GRB10: variants seen among roughly 807,000 people sequenced by gnomAD.
GRB10 encodes the protein growth factor receptor-bound protein 10.
In GRB10, 20 loss-of-function variants were observed where a neutral mutation model predicts 80.9. That is an observed-to-expected ratio of 0.25 (90% confidence interval 0.17 to 0.36). The LOEUF is 0.36. Among genes scored for constraint, GRB10 ranks in the 10% least tolerant of loss-of-function variants. The pLI is 1.00. For missense variants in GRB10, 548 were observed against 747.7 expected (o/e 0.73, Z 3.12); for synonymous variants, 291 against 291.5 (o/e 1.00, Z 0.02).
intron 4 of GRB10, among the ~76,000 whole-genome samples, chr7:50,712,997 T>A (rs1359189942): frequency 6.6e-6 from 1 of 152,236 alleles, no homozygotes; most frequent in Non-Finnish European, 1.5e-5. Flanking sequence ...ACAAATGGTT[T>A]TCCCAAAATA....
intron 15 of GRB10, among the ~76,000 whole-genome samples, chr7:50,604,731 C>T (rs138900337): frequency 6.0e-4 from 91 of 152,340 alleles, no homozygotes; most frequent in Non-Finnish European, 9.7e-4. Context: ...CTGGACTCCC[C>T]GTGCTTGGGA....
chr7:50,723,580 C>G (rs2068095726), intron 4 of GRB10, among the ~76,000 whole-genome samples: 3 of 152,164 alleles, frequency 2.0e-5, no homozygotes. Flanking sequence ...GCGATCCAGC[C>G]CCTTGGATCC....
At chr7:50,699,633 T>C (rs377237662) in intron 5 of GRB10, among the ~76,000 whole-genome samples, 2 of 152,356 alleles carry the variant, frequency 1.3e-5, no homozygotes, top group East Asian at 3.9e-4. Flanking sequence ...TCATTTACAT[T>C]TCACTTAAAA....
intron 7 of GRB10, among the ~76,000 whole-genome samples, chr7:50,647,813 G>A (rs977468107): frequency 6.6e-6 from 1 of 152,176 alleles, no homozygotes; most frequent in Non-Finnish European, 1.5e-5. Context: ...GGCAGGCGCT[G>A]TCCAATTCTG....
intron 5 of GRB10, among the ~76,000 whole-genome samples, chr7:50,698,581 T>C (rs955939811): frequency 7.2e-5 from 11 of 152,254 alleles, no homozygotes; most frequent in African/African-American, 2.7e-4. Flanking sequence ...TCTGCCGTGA[T>C]TTCACTGTGC....
chr7:50,723,160 CTTTT>C (rs1488756496), intron 4 of GRB10, among the ~76,000 whole-genome samples: 2 of 151,874 alleles, frequency 1.3e-5, no homozygotes, highest in Non-Finnish European at 2.9e-5. Flanking sequence ...TACCAAGTAG[CTTTT>C]TTTTCTTTAA....
Position 50,669,748 on chromosome 7 carries a change from G to A in GRB10, c.478C>T (p.Pro160Ser), listed in dbSNP as rs1186185689. 1.3e-5 allele frequency: 21 copies of A among 1,613,674 alleles called. No individual in the cohort carries two copies. The highest frequency in any genetic ancestry group is 5.3e-5 in the African/African-American group (4 of 75,060). The change falls in exon 7 of 19, where the codon CCT becomes TCT. Residue 160 changes from proline to serine, a missense_variant. Pro to Ser is a moderately conservative substitution (Grantham distance 74). This residue lies in a region of GRB10 where 245 missense variants were observed against 229.3 expected (regional missense o/e 1.07). Transcript: ENST00000401949. ...TGCTTTGCGGCGGCCTGGCTCGGAG[G>A]TAAAGAACCCGGCGTGAGCACAGGG... ...SPPVLTPGSL[P>S]PSQAAAKQDV...
intron 7 of GRB10, among the ~76,000 whole-genome samples, chr7:50,666,513 G>A (rs2059819123): frequency 6.6e-6 from 1 of 152,152 alleles, no homozygotes; most frequent in South Asian, 2.1e-4. Flanking sequence ...TGTCTAGAAA[G>A]GAGACACACC....
At chr7:50,660,598 C>T (rs1184567140) in intron 7 of GRB10, among the ~76,000 whole-genome samples, 1 of 152,068 alleles carries the variant, frequency 6.6e-6, no homozygotes, top group Admixed American at 6.5e-5. Flanking sequence ...GGAGCTCCCC[C>T]TCCACACCGT....
intron 4 of GRB10, among the ~76,000 whole-genome samples, chr7:50,726,290 C>A (rs2068632244): frequency 6.6e-6 from 1 of 151,974 alleles, no homozygotes; most frequent in Non-Finnish European, 1.5e-5. Flanking sequence ...TCCAGGTACT[C>A]GGGAGGCTGA....
At chr7:50,789,208 C>G (rs1368315975) in intron 1 of GRB10, among the ~76,000 whole-genome samples, 1 of 152,168 alleles carries the variant, frequency 6.6e-6, no homozygotes, top group Non-Finnish European at 1.5e-5. Context: ...CTAGCATGTA[C>G]AAAGCACTGG....
At chr7:50,594,315 C>T (rs190744851) in intron 18 of GRB10, among the ~76,000 whole-genome samples, 46 of 152,260 alleles carry the variant, frequency 3.0e-4, no homozygotes, top group Admixed American at 9.8e-4. Flanking sequence ...AAAGACAGTG[C>T]GTGGCACACT....
intron 7 of GRB10, among the ~76,000 whole-genome samples, chr7:50,659,993 TG>T (rs1168799871): frequency 2.0e-5 from 3 of 152,232 alleles, no homozygotes; most frequent in African/African-American, 7.2e-5. Context: ...CTTTTTGTGA[TG>T]TATTTGTCAA....
At chr7:50,604,259 G>A in intron 16 of GRB10, 52 bp downstream of exon 16, 1 of 1,454,066 alleles carries the variant, frequency 6.9e-7, no homozygotes, top group South Asian at 1.1e-5. Context: ...GGAGGGGGGT[G>A]CTGTTTGATT....
chr7:50,660,746 TGGC>T (rs1425877831), intron 7 of GRB10, among the ~76,000 whole-genome samples: 1 of 152,016 alleles, frequency 6.6e-6, no homozygotes, highest in Non-Finnish European at 1.5e-5. Flanking sequence ...AACTTGAAAA[TGGC>T]GGGATGAGTT....
intron 7 of GRB10, among the ~76,000 whole-genome samples, chr7:50,646,932 G>GC (rs2057286381): frequency 6.6e-6 from 1 of 152,194 alleles, no homozygotes; most frequent in South Asian, 2.1e-4. Flanking sequence ...GAACCCTGGT[G>GC]CAGAGCCAGG....
intron 6 of GRB10, among the ~76,000 whole-genome samples, chr7:50,673,138 G>T (rs761549673): frequency 2.6e-5 from 4 of 152,168 alleles, no homozygotes; most frequent in Non-Finnish European, 5.9e-5. Flanking sequence ...GAAGCAAGAA[G>T]AGCCCAGGAA....
intron 5 of GRB10, among the ~76,000 whole-genome samples, chr7:50,698,460 T>A (rs2063729099): frequency 6.6e-6 from 1 of 151,936 alleles, no homozygotes; most frequent in African/African-American, 2.4e-5. Context: ...CATTTTGTTC[T>A]TTCACTTTTA....
chr7:50,695,856 A>G (rs1317271219), intron 5 of GRB10, among the ~76,000 whole-genome samples: 7 of 152,220 alleles, frequency 4.6e-5, no homozygotes, highest in African/African-American at 1.4e-4. Context: ...TAAATGCACA[A>G]TATTACAAGG....
Sources: allele counts gnomAD v4.1 joint callset (sites outside exome capture counted in the v4.1 genomes callset), GRCh38; gene constraint gnomAD v4.1.1; regional missense constraint gnomAD v4.1.1; transcripts MANE v1.5; gene names NCBI Gene and HGNC (gene_info 2026-07-23, HGNC 2026-07-21).